KIF11: variants seen among roughly 807,000 people sequenced by gnomAD.
KIF11 encodes kinesin-like protein KIF11.
Under a neutral mutation model 121.0 loss-of-function variants are expected in KIF11, and 9 were observed. That is an observed-to-expected ratio of 0.07 (90% CI 0.04 to 0.13). The LOEUF (loss-of-function observed/expected upper bound fraction) is 0.13. KIF11 is among the 10% of genes least tolerant of loss of function. KIF11 has a pLI of 1.00. For synonymous variants in KIF11, 408 were observed against 421.0 expected, an observed-to-expected ratio of 0.97 and a Z score of 0.38; for missense variants, 846 against 1,217.5, an observed-to-expected ratio of 0.69 and a Z score of 4.54.
chr10:92,627,360 G>C (rs907514470), intron 10 of KIF11, among the ~76,000 whole-genome samples: 1 of 152,134 alleles, frequency 6.6e-6, no homozygotes, highest in African/African-American at 2.4e-5. Flanking sequence ...TGTGAGCTTT[G>C]CGCTTGAGAA....
chr10:92,630,347 C>A lies in KIF11; in HGVS notation c.1477C>A (p.His493Asn). 6.3e-7 allele frequency: 1 copy of A among 1,575,814 alleles called. No individual in the cohort carries two copies. The highest frequency in any genetic ancestry group is 8.6e-7 in the Non-Finnish European group (1 of 1,166,564). Residue 493 changes from histidine to asparagine, a missense_variant, in exon 12 of 22, where the codon CAT becomes AAT. Physicochemically the swap from His to Asn is moderately conservative, Grantham distance 68 (BLOSUM62 1). Transcript: ENST00000260731. ...SALESTEEKL[H>N]DAASKLLNTV... ...TTTGGAAAGTACTGAGGAGAAACTTCATGATGCTGCCAGCAAGGTTTGTCC... is the reference window on the plus strand; with the variant it reads ...TTTGGAAAGTACTGAGGAGAAACTTAATGATGCTGCCAGCAAGGTTTGTCC...
At chr10:92,641,105 A>C (rs7922902) in intron 17 of KIF11, among the ~76,000 whole-genome samples, 22,704 of 152,146 alleles carry the variant, frequency 0.15, 3,604 homozygotes, top group African/African-American at 0.4. Context: ...CGCATACTTA[A>C]CATACACTAC....
In KIF11 at chr10:92,637,549, T is replaced by C. The variant is rs773469686; in HGVS notation, c.2160+4T>C. On this transcript the variant is annotated splice_donor_region_variant and intron_variant, in intron 16 of 21. Transcript: ENST00000260731. Reference sequence around the variant, plus strand: ...AATAAAGCAGACCCATTCCCAGGTATGTTGTTTAGCGGACTTGGGGAGTAC... The same window carrying C: ...AATAAAGCAGACCCATTCCCAGGTACGTTGTTTAGCGGACTTGGGGAGTAC... The C allele has an allele frequency of 1.3e-6, 2 of 1,598,218 alleles. No homozygotes were observed. The highest frequency in any genetic ancestry group is 3.7e-5 in the Admixed American group (2 of 53,834).
intron 18 of KIF11, among the ~76,000 whole-genome samples, chr10:92,646,369 A>C (rs530845326): frequency 9.6e-4 from 146 of 152,358 alleles, no homozygotes; most frequent in Non-Finnish European, 1.9e-3. Context: ...GCTTGAACTT[A>C]ACGCTTGCAT....
chr10:92,629,887 G>C (rs916002486), intron 11 of KIF11, among the ~76,000 whole-genome samples: 2 of 152,136 alleles, frequency 1.3e-5, no homozygotes, highest in Non-Finnish European at 2.9e-5. Flanking sequence ...AGAGTGCTGG[G>C]GTTACAGGTG....
chr10:92,628,854 T>C lies in KIF11; in HGVS notation c.1264T>C (p.Leu422=), dbSNP rs1316714537. The C allele has an allele frequency of 1.9e-6, 3 of 1,605,200 alleles. No individual in the cohort carries two copies. The highest frequency in any genetic ancestry group is 1.7e-5 in the Admixed American group (1 of 59,846). ...LTVQEEQIVE[L]IEKIGAVEEE... ...TGTTCAAGAAGAGCAGATTGTAGAA[T>C]TGATTGAAAAAATTGGTGCTGTTGA... Residue 422 remains leucine (L), a synonymous_variant, in exon 11 of 22, where the codon TTG becomes CTG. Coordinates refer to ENST00000260731, the MANE Select transcript of KIF11 (RefSeq NM_004523.4).
chr10:92,639,562 C>T (rs555778444), intron 16 of KIF11, among the ~76,000 whole-genome samples: 2 of 152,058 alleles, frequency 1.3e-5, no homozygotes, highest in African/African-American at 4.8e-5. Flanking sequence ...CACTGCACTA[C>T]AGCTTGGACA....
In KIF11 at chr10:92,607,228, C is replaced by T. The variant is rs1323732150; in HGVS notation, c.378C>T (p.Thr126=). The T allele has an allele frequency of 1.3e-6, 2 of 1,589,696 alleles. No homozygotes were observed. The highest frequency in any genetic ancestry group is 1.7e-6 in the Non-Finnish European group (2 of 1,158,938). Residue 126 remains threonine (T), a synonymous_variant, in exon 4 of 22, where the codon ACC becomes ACT. Coordinates refer to ENST00000260731, the MANE Select transcript of KIF11 (RefSeq NM_004523.4). ...EGERSPNEEY[T]WEEDPLAGII... ...AAAGGTCACCTAATGAAGAGTATAC[C>T]TGGGAAGAGGTATTTATTGTTTATA... is the stretch of plus-strand genomic sequence containing the variant.
intron 10 of KIF11, among the ~76,000 whole-genome samples, chr10:92,625,788 C>G (rs191940032): frequency 3.0e-4 from 45 of 152,232 alleles, no homozygotes; most frequent in Middle Eastern, 3.4e-3. Context: ...CCAATAATGT[C>G]CAAGCTGAGT....
chr10:92,619,410 G>A (rs1844595307), intron 9 of KIF11, among the ~76,000 whole-genome samples: 1 of 152,122 alleles, frequency 6.6e-6, no homozygotes, highest in Non-Finnish European at 1.5e-5. Flanking sequence ...TAACATATGA[G>A]CTAATTTCAG....
chr10:92,645,301 A>C, intron 17 of KIF11, 62 bp from the exon 18 acceptor site: 1 of 1,224,750 alleles, frequency 8.2e-7, no homozygotes, highest in Non-Finnish European at 1.2e-6. Flanking sequence ...TGATCTTGGG[A>C]AGTTATATAT....
chr10:92,633,550 CTTTGAAATGG>C, intron 13 of KIF11, 63 bp from the exon 14 acceptor site: 1 of 1,123,260 alleles, frequency 8.9e-7, no homozygotes, highest in Non-Finnish European at 1.3e-6. Flanking sequence ...TTGTCAACTT[CTTTGAAATGG>C]TTTGAACGGT....
chr10:92,613,192 T>G lies in KIF11; in HGVS notation c.789+62T>G. 1.5e-6 allele frequency: 2 copies of G among 1,367,308 alleles called. No homozygotes were observed. The highest frequency in any genetic ancestry group is 2.0e-6 in the Non-Finnish European group (2 of 988,508). The allele number at this position is 1,367,308 out of a possible 1,614,324, so 84.7% of individuals were successfully genotyped here. A position where few individuals can be genotyped will look rare whatever the true frequency, so the allele number is the denominator to read the frequency against. On this transcript the variant is annotated intron_variant, in intron 7 of 21. Transcript: ENST00000260731. This position sits in a 1 kb window ranked among gnomAD's most constrained non-coding sequence, Gnocchi z 4.2. ...AACACCTTATAGAGCAGCTTGAAAT[T>G]TTGTCCTTGAGACAAAATTTTTGTG...
chr10:92,604,531 G>T (rs1459855833), intron 1 of KIF11, among the ~76,000 whole-genome samples: 1 of 152,084 alleles, frequency 6.6e-6, no homozygotes, highest in Non-Finnish European at 1.5e-5. Flanking sequence ...GTAAGTTTTA[G>T]TATAGTTGGC....
chr10:92,602,835 T>TAC (rs1387853440), intron 1 of KIF11, among the ~76,000 whole-genome samples: 4 of 143,852 alleles, frequency 2.8e-5, no homozygotes, highest in Non-Finnish European at 6.2e-5. Flanking sequence ...CGTGTGTGTG[T>TAC]GTGTGTGTGT....
In KIF11 at chr10:92,609,007, AT is replaced by A; in HGVS notation, c.388-11del. On this transcript the variant is annotated splice_polypyrimidine_tract_variant and intron_variant, in intron 4 of 21. Coordinates refer to ENST00000260731, the MANE Select transcript of KIF11 (RefSeq NM_004523.4). Reference sequence around the variant, plus strand: ...GCATTCTTCCTTTATATTAGTCCTTATTATAATTTCAGGATCCCTTGGCTGG... The same window carrying A: ...GCATTCTTCCTTTATATTAGTCCTTATATAATTTCAGGATCCCTTGGCTGG... The A allele has an allele frequency of 1.4e-6, 2 of 1,465,484 alleles. No homozygotes were observed. The highest frequency in any genetic ancestry group is 4.6e-5 in the East Asian group (2 of 43,406). 90.8% of individuals were successfully genotyped at this position (1,465,484 alleles called of 1,614,324 possible).
chr10:92,621,353 A>G, intron 9 of KIF11, 32 bp from the exon 10 acceptor site: 1 of 1,361,926 alleles, frequency 7.3e-7, no homozygotes, highest in Non-Finnish European at 1.0e-6. Flanking sequence ...AAAAAGTACT[A>G]AACTGACACC....
intron 6 of KIF11, among the ~76,000 whole-genome samples, chr10:92,612,394 TC>T (rs1844507821): frequency 6.6e-6 from 1 of 152,186 alleles, no homozygotes; most frequent in Non-Finnish European, 1.5e-5. Context: ...TACCTTGGCC[TC>T]CCAAAGTGTT....
chr10:92,605,407 T>A (rs929005377), intron 1 of KIF11, among the ~76,000 whole-genome samples: 1 of 152,132 alleles, frequency 6.6e-6, no homozygotes, highest in African/African-American at 2.4e-5. Flanking sequence ...GTGCCAGGTA[T>A]CTACTGGCAG....
Sources: allele counts gnomAD v4.1 joint callset (sites outside exome capture counted in the v4.1 genomes callset), GRCh38; gene constraint gnomAD v4.1.1; non-coding constraint Gnocchi (gnomAD v3.1); transcripts MANE v1.5; gene names NCBI Gene and HGNC (gene_info 2026-07-23, HGNC 2026-07-21).